The following CDH18 variants were observed in gnomAD, a reference collection of about 807,000 sequenced individuals.
CDH18 encodes cadherin-18.
A neutral mutation model predicts 67.9 loss-of-function variants in CDH18; 31 were observed. The observed-to-expected ratio is 0.46, with a 90% CI of 0.34 to 0.62. The LOEUF (loss-of-function observed/expected upper bound fraction) is 0.62, where lower values mean the gene tolerates loss of function less well. Ranked by LOEUF, CDH18 falls within the 20% of genes least tolerant of loss-of-function variation. The pLI is 0.01. For synonymous variants in CDH18, 362 were observed against 347.2 expected (o/e 1.04, Z -0.48); for missense variants, 890 against 975.5 (o/e 0.91, Z 1.17).
intron 5 of CDH18, among the ~76,000 whole-genome samples, chr5:19,664,620 T>C: frequency 6.6e-6 from 1 of 151,840 alleles, no homozygotes; most frequent in Non-Finnish European, 1.5e-5. Context: ...TTTAGTTAAA[T>C]ATAAATTCAA....
At chr5:20,480,599 G>A (rs1460362098) in intron 1 of CDH18, among the ~76,000 whole-genome samples, 1 of 152,036 alleles carries the variant, frequency 6.6e-6, no homozygotes, top group African/African-American at 2.4e-5. Context: ...TGTATTAGTA[G>A]AGACAGGGTT....
chr5:19,646,189 T>A (rs910668975), intron 5 of CDH18, among the ~76,000 whole-genome samples: 3 of 152,162 alleles, frequency 2.0e-5, no homozygotes, highest in African/African-American at 7.2e-5. Context: ...ATGTCAGGAA[T>A]GGCTTGTTTG....
At chr5:19,958,546 C>T (rs1318097922) in intron 2 of CDH18, among the ~76,000 whole-genome samples, 17 of 151,814 alleles carry the variant, frequency 1.1e-4, no homozygotes, top group Non-Finnish European at 1.5e-4. Flanking sequence ...ACCTAGCACA[C>T]GCCAGGAACT....
chr5:20,299,824 T>C (rs1747827211), intron 1 of CDH18, among the ~76,000 whole-genome samples: 1 of 151,704 alleles, frequency 6.6e-6, no homozygotes, highest in Non-Finnish European at 1.5e-5. Flanking sequence ...TATTTCTCAT[T>C]ATAAAATAAT....
chr5:20,446,064 A>G, intron 1 of CDH18, among the ~76,000 whole-genome samples: 1 of 152,152 alleles, frequency 6.6e-6, no homozygotes, highest in Non-Finnish European at 1.5e-5. Context: ...GTTTTTACCC[A>G]TAATTCATTA....
At chr5:20,260,677 C>T (rs1744583890) in intron 1 of CDH18, among the ~76,000 whole-genome samples, 1 of 152,090 alleles carries the variant, frequency 6.6e-6, no homozygotes, top group African/African-American at 2.4e-5. Context: ...ATGGGATAGT[C>T]AGCCTGTTAG....
intron 2 of CDH18, among the ~76,000 whole-genome samples, chr5:20,144,440 A>G (rs1363027559): frequency 3.3e-5 from 5 of 152,288 alleles, no homozygotes; most frequent in African/African-American, 1.2e-4. Flanking sequence ...TTCTACTCCT[A>G]TAGCAGCAGT....
chr5:19,796,952 C>T (rs536726028), intron 3 of CDH18, among the ~76,000 whole-genome samples: 118 of 151,402 alleles, frequency 7.8e-4, no homozygotes, highest in African/African-American at 2.6e-3. Context: ...ATAATGTTCA[C>T]GTAACACAAA....
At chr5:20,447,203 TTA>T (rs1449436848) in intron 1 of CDH18, among the ~76,000 whole-genome samples, 8 of 152,180 alleles carry the variant, frequency 5.3e-5, no homozygotes, top group African/African-American at 1.9e-4. Flanking sequence ...TCCTTCTTGT[TTA>T]TTTGTTCTTT....
rs574993046 is a variant in CDH18 at position 19,951,928 on chromosome 5, C to T, written c.-257+29132G>A. On this transcript the variant is annotated intron_variant, in intron 2 of 12. Coordinates refer to ENST00000382275, the MANE Select transcript of CDH18 (RefSeq NM_004934.5). Reference sequence around the variant, plus strand: ...ATTAGCAAGTCACTAATTCTCAACTCACTTATCCCTTACTTGAACATAGAG... The same window carrying T: ...ATTAGCAAGTCACTAATTCTCAACTTACTTATCCCTTACTTGAACATAGAG... 3.9e-4 allele frequency among the ~76,000 whole-genome samples: 60 copies of T among 152,248 alleles called. 1 individual carries two copies. The highest frequency in any genetic ancestry group is 1.4e-3 in the South Asian group (7 of 4,828).
In CDH18 at chr5:19,994,728, TATATATATATAGAGAGAGAGAG is replaced by T. The variant is rs1311383518; in HGVS notation, c.-517-2736_-517-2715del. ...ATATATATATATATATATATATATA[TATATATATATAGAGAGAGAGAG>T]AGAGAGAGAGAGAGAGAGAGAGAGA... On this transcript the variant is annotated intron_variant, in intron 2 of 14. Transcript: ENST00000507958. Among the ~76,000 whole-genome samples, 44 of 20,908 alleles carry T rather than the reference TATATATATATAGAGAGAGAGAG, an allele frequency of 2.1e-3. 2 individuals are homozygous for T. Among genetic ancestry groups the T allele is most frequent in the African/African-American group, 4.5e-3 (24 of 5,280 alleles). The allele number at this position is 20,908 out of a possible 152,430, so 13.7% of individuals were successfully genotyped here.
intron 2 of CDH18, among the ~76,000 whole-genome samples, chr5:20,105,285 C>T (rs1021663908): frequency 2.0e-5 from 3 of 151,852 alleles, no homozygotes; most frequent in South Asian, 2.1e-4. Flanking sequence ...CTGTGCCCAG[C>T]GAATTGTGTA....
intron 2 of CDH18, among the ~76,000 whole-genome samples, chr5:20,075,217 A>G (rs1278141873): frequency 1.3e-5 from 2 of 152,130 alleles, no homozygotes; most frequent in East Asian, 3.9e-4. Flanking sequence ...TAAATCCTGA[A>G]GAGTTGGCTG....
chr5:19,799,659 C>A (rs544693326), intron 3 of CDH18, among the ~76,000 whole-genome samples: 96 of 152,170 alleles, frequency 6.3e-4, no homozygotes, highest in Non-Finnish European at 1.2e-3. Flanking sequence ...TGCTGCTACA[C>A]TACTATTTCA....
intron 3 of CDH18, among the ~76,000 whole-genome samples, chr5:19,777,462 A>G (rs1415179569): frequency 6.6e-6 from 1 of 152,190 alleles, no homozygotes; most frequent in Non-Finnish European, 1.5e-5. Flanking sequence ...TTGTTATGCC[A>G]GTAAAGCAAA....
rs150817418 is a variant in CDH18, at chr5:20,516,304, G to A, written c.-580+59158C>T. Among the ~76,000 whole-genome samples, 389 of 151,984 alleles carry A rather than the reference G, an allele frequency of 2.6e-3. 1 individual carries two copies. Among genetic ancestry groups the A allele is most frequent in the African/African-American group, 6.9e-3 (286 of 41,514 alleles). ...TTCTAAGCGCATAGGAGAACAAGAG[G>A]TTTAGAGAAACACTGGAGTGTGGAA... On this transcript the variant is annotated intron_variant, in intron 1 of 14. Transcript: ENST00000507958.
intron 2 of CDH18, among the ~76,000 whole-genome samples, chr5:20,025,277 C>T (rs1192962815): frequency 6.6e-6 from 1 of 152,098 alleles, no homozygotes; most frequent in East Asian, 1.9e-4. Context: ...TTGGTTATGA[C>T]TTTCTAAGGG....
chr5:20,249,308 AT>A (rs1466551402), intron 2 of CDH18, among the ~76,000 whole-genome samples: 1 of 151,700 alleles, frequency 6.6e-6, no homozygotes, highest in African/African-American at 2.4e-5. Context: ...AAATAAATAA[AT>A]TTTTTTATTT....
intron 7 of CDH18, among the ~76,000 whole-genome samples, chr5:19,587,611 T>C (rs554137698): frequency 4.6e-5 from 7 of 151,740 alleles, no homozygotes; most frequent in Admixed American, 1.3e-4. Context: ...AAGTATGCAG[T>C]CTTATGTGTG....
Sources: gnomAD v4.1 joint callset for allele counts (sites outside exome capture counted in the v4.1 genomes callset) on GRCh38, gnomAD v4.1.1 for gene constraint, MANE v1.5 for transcripts, NCBI Gene and HGNC (gene_info 2026-07-23, HGNC 2026-07-21) for gene names.